The following PDZRN3 variants were observed in gnomAD, a reference collection of about 807,000 sequenced individuals.
The protein encoded by PDZRN3 is E3 ubiquitin-protein ligase PDZRN3.
PDZRN3 carries 38 observed loss-of-function variants against 85.7 expected under a neutral mutation model. The ratio of observed to expected loss-of-function variants is 0.44; its 90% CI spans 0.34 to 0.58. PDZRN3 has a LOEUF of 0.58. PDZRN3 is among the 20% of genes least tolerant of loss of function. PDZRN3 has a pLI of 0.01. For missense variants in PDZRN3, 1,629 were observed against 1,506.4 expected, an observed-to-expected ratio of 1.08 and a Z score of -1.35; for synonymous variants, 759 against 638.0, an observed-to-expected ratio of 1.19 and a Z score of -2.86.
intron 3 of PDZRN3, among the ~76,000 whole-genome samples, chr3:73,530,064 A>G (rs574106304): frequency 5.8e-4 from 89 of 152,344 alleles, no homozygotes; most frequent in African/African-American, 1.9e-3. Context: ...TGTAATCATA[A>G]TTTCTTAAAC....
At chr3:73,588,978 T>A (rs1160982317) in intron 3 of PDZRN3, among the ~76,000 whole-genome samples, 2 of 152,154 alleles carry the variant, frequency 1.3e-5, no homozygotes, top group Non-Finnish European at 2.9e-5. Context: ...CCCTGTGATA[T>A]ATCAGAAGGA....
chr3:73,451,860 C>T (rs1702868581), intron 3 of PDZRN3, among the ~76,000 whole-genome samples: 1 of 152,132 alleles, frequency 6.6e-6, no homozygotes, highest in African/African-American at 2.4e-5. Context: ...CACACACACA[C>T]ACACACACAC....
At chr3:73,605,804 C>A (rs868562300) in intron 2 of PDZRN3, among the ~76,000 whole-genome samples, 16 of 152,166 alleles carry the variant, frequency 1.1e-4, no homozygotes, top group African/African-American at 3.1e-4. Flanking sequence ...CAAACACATG[C>A]ACATGGAATT....
intron 3 of PDZRN3, among the ~76,000 whole-genome samples, chr3:73,526,495 T>C (rs1015130246): frequency 3.3e-5 from 5 of 152,068 alleles, no homozygotes; most frequent in Non-Finnish European, 7.4e-5. Context: ...TCCTGTCAGG[T>C]TTTCACATCA....
At chr3:73,431,806 A>G (rs1403150362) in intron 3 of PDZRN3, among the ~76,000 whole-genome samples, 1 of 152,176 alleles carries the variant, frequency 6.6e-6, no homozygotes, top group Non-Finnish European at 1.5e-5. Flanking sequence ...TCACCTAGTA[A>G]AAAACAAACA....
chr3:73,398,028 TTAATG>T (rs755380179), intron 5 of PDZRN3, among the ~76,000 whole-genome samples: 10 of 152,272 alleles, frequency 6.6e-5, no homozygotes, highest in South Asian at 2.1e-4. Context: ...AACAGTATAT[TTAATG>T]TAAGAGACAA....
chr3:73,549,023 T>A (rs1701492203), intron 3 of PDZRN3, among the ~76,000 whole-genome samples: 1 of 152,164 alleles, frequency 6.6e-6, no homozygotes, highest in Admixed American at 6.5e-5. Flanking sequence ...ACAAAAGCCA[T>A]TTTCTTTTGA....
chr3:73,578,244 A>T (rs1358661777), intron 3 of PDZRN3, among the ~76,000 whole-genome samples: 10 of 147,122 alleles, frequency 6.8e-5, no homozygotes, highest in Admixed American at 6.3e-4. Flanking sequence ...ATCTCAGCTC[A>T]CTACAAGCTC....
intron 3 of PDZRN3, among the ~76,000 whole-genome samples, chr3:73,465,293 T>G (rs1478450926): frequency 6.6e-6 from 1 of 152,192 alleles, no homozygotes. Flanking sequence ...GTTTTTGCAT[T>G]TTGAATCTCC....
At position 73,476,978 on chromosome 3, in the gene PDZRN3, C is replaced by T. The variant is rs1284698237; in HGVS notation, c.919-72583G>A. 2.6e-5 allele frequency among the ~76,000 whole-genome samples: 4 copies of T among 152,096 alleles called. No individual in the cohort carries two copies. The East Asian group carries it at 7.7e-4, about 29-fold the overall frequency. On this transcript the variant is annotated intron_variant, in intron 3 of 9. Coordinates refer to ENST00000263666, the MANE Select transcript of PDZRN3 (RefSeq NM_015009.3). ...TTTTTTTTAAGCACTAAATATTAGG[C>T]CAATCTGTTACACGCAATAGATAAC... is the stretch of plus-strand genomic sequence containing the variant.
At chr3:73,541,001 T>C (rs1704907757) in intron 3 of PDZRN3, among the ~76,000 whole-genome samples, 3 of 152,242 alleles carry the variant, frequency 2.0e-5, no homozygotes, top group African/African-American at 7.2e-5. Flanking sequence ...AATCAAACTG[T>C]CTACTCTAAT....
chr3:73,565,786 AACACAC>A (rs61564723), intron 3 of PDZRN3, among the ~76,000 whole-genome samples: 1,602 of 37,906 alleles, frequency 0.042, 26 homozygotes, highest in African/African-American at 0.067. Context: ...AAAAATACAA[AACACAC>A]ACACACACAC....
chr3:73,547,168 A>C (rs990648021), intron 3 of PDZRN3, among the ~76,000 whole-genome samples: 1 of 152,210 alleles, frequency 6.6e-6, no homozygotes, highest in African/African-American at 2.4e-5. Context: ...TAGAGGAGAA[A>C]AAATACCCCA....
At chr3:73,545,045 A>G (rs951916997) in intron 3 of PDZRN3, among the ~76,000 whole-genome samples, 1 of 152,240 alleles carries the variant, frequency 6.6e-6, no homozygotes, top group African/African-American at 2.4e-5. Context: ...GTCCGCTTAG[A>G]TTATCCTGTT....
intron 3 of PDZRN3, among the ~76,000 whole-genome samples, chr3:73,550,371 T>A (rs2106802625): frequency 6.6e-6 from 1 of 152,354 alleles, no homozygotes; most frequent in East Asian, 1.9e-4. Flanking sequence ...AGGCACTGGT[T>A]CTCAATCCTG....
chr3:73,526,189 A>C (rs947615454), intron 3 of PDZRN3, among the ~76,000 whole-genome samples: 1 of 152,222 alleles, frequency 6.6e-6, no homozygotes, highest in Non-Finnish European at 1.5e-5. Flanking sequence ...AAAGCACTTA[A>C]TACGCTCTCT....
chr3:73,608,397 TA>T (rs1702633994), intron 2 of PDZRN3, among the ~76,000 whole-genome samples, 200 bp downstream of exon 2: 1 of 152,164 alleles, frequency 6.6e-6, no homozygotes, highest in African/African-American at 2.4e-5. Flanking sequence ...GCTGTTATAT[TA>T]CTAGGCCAAT....
In PDZRN3 at chr3:73,384,498, C is replaced by A; in HGVS notation, c.2068G>T (p.Glu690Ter). 6.2e-7 allele frequency: 1 copy of A among 1,613,650 alleles called. No individual in the cohort carries two copies. The highest frequency in any genetic ancestry group is 8.5e-7 in the Non-Finnish European group (1 of 1,180,022). Residue 690 changes from glutamate to a stop codon, truncating the protein, a stop_gained, in exon 10 of 10, where the codon GAA becomes TAA. Coordinates refer to ENST00000263666, the MANE Select transcript of PDZRN3 (RefSeq NM_015009.3). LOFTEE classifies it high-confidence loss of function. ...TCCAGCTCGATGCTGCGCAGCTCTT[C>A]GTTCAGCAGCTCCAGCTCCTTGTCC... is the stretch of plus-strand genomic sequence containing the variant. ...SVDKELELLN[E>*]ELRSIELECL...
At chr3:73,491,878 G>C (rs1703777362) in intron 3 of PDZRN3, among the ~76,000 whole-genome samples, 1 of 152,090 alleles carries the variant, frequency 6.6e-6, no homozygotes, top group Admixed American at 6.5e-5. Flanking sequence ...TGGGATTACA[G>C]GCATGAGCGA....
Sources: allele counts gnomAD v4.1 joint callset (sites outside exome capture counted in the v4.1 genomes callset), GRCh38; gene constraint gnomAD v4.1.1; transcripts MANE v1.5; gene names NCBI Gene and HGNC (gene_info 2026-07-23, HGNC 2026-07-21).